Variants in PRRX1 observed in about 807,000 individuals in gnomAD.
PRRX1 encodes paired mesoderm homeobox protein 1.
PRRX1 carries 8 observed loss-of-function variants against 24.0 expected under a neutral mutation model. The ratio of observed to expected loss-of-function variants is 0.33; its 90% CI spans 0.20 to 0.60. PRRX1 has a LOEUF of 0.60. Ranked by LOEUF, PRRX1 falls within the 20% of genes least tolerant of loss-of-function variation. The pLI, the probability that PRRX1 is intolerant of heterozygous loss-of-function variation, is 0.82. For synonymous variants in PRRX1, 160 were observed against 131.7 expected, an observed-to-expected ratio of 1.22 and a Z score of -1.47; for missense variants, 281 against 322.4, an observed-to-expected ratio of 0.87 and a Z score of 0.98.
chr1:170,730,890 C>CA (rs566830489), intron 3 of PRRX1, among the ~76,000 whole-genome samples: 23 of 151,746 alleles, frequency 1.5e-4, no homozygotes, highest in Admixed American at 1.2e-3. Context: ...GTGTGCGCTT[C>CA]AAAAAAAGTC....
chr1:170,710,132 G>C (rs1470492116), intron 1 of PRRX1, among the ~76,000 whole-genome samples: 1 of 152,012 alleles, frequency 6.6e-6, no homozygotes, highest in Non-Finnish European at 1.5e-5. Context: ...CTCAGGCCTG[G>C]TAATTACATT....
At chr1:170,686,982 G>A (rs933496166) in intron 1 of PRRX1, among the ~76,000 whole-genome samples, 33 of 151,996 alleles carry the variant, frequency 2.2e-4, no homozygotes, top group African/African-American at 7.2e-4. Context: ...CCAAATGCAC[G>A]TCATTCAAGT....
At chr1:170,700,197 G>T (rs766203176) in intron 1 of PRRX1, among the ~76,000 whole-genome samples, 10 of 151,996 alleles carry the variant, frequency 6.6e-5, no homozygotes, top group Non-Finnish European at 1.3e-4. Flanking sequence ...TGAATGAGTT[G>T]GTTCAAGCCA....
intron 1 of PRRX1, among the ~76,000 whole-genome samples, chr1:170,716,399 A>G (rs985021139): frequency 5.9e-5 from 9 of 152,170 alleles, no homozygotes; most frequent in African/African-American, 2.2e-4. Context: ...CCCGGCTAAC[A>G]CGGTGAAACC....
At chr1:170,699,292 C>T (rs1654274828) in intron 1 of PRRX1, among the ~76,000 whole-genome samples, 1 of 152,122 alleles carries the variant, frequency 6.6e-6, no homozygotes, top group African/African-American at 2.4e-5. Flanking sequence ...CTCTAGTGAA[C>T]ATTAATAAGG....
At chr1:170,732,630 T>C (rs931704588) in intron 3 of PRRX1, among the ~76,000 whole-genome samples, 1 of 152,214 alleles carries the variant, frequency 6.6e-6, no homozygotes, top group East Asian at 1.9e-4. Context: ...CAAAATATTA[T>C]TGGAATCCCT....
chr1:170,719,651 A>C, intron 1 of PRRX1, 75 bp from the exon 2 acceptor site: 1 of 1,463,412 alleles, frequency 6.8e-7, no homozygotes, highest in South Asian at 1.2e-5. Flanking sequence ...CTCACTATAG[A>C]TATACCATAA....
At chr1:170,710,170 C>T (rs1418132379) in intron 1 of PRRX1, among the ~76,000 whole-genome samples, 1 of 152,146 alleles carries the variant, frequency 6.6e-6, no homozygotes, top group African/African-American at 2.4e-5. Context: ...TAAAATCCAG[C>T]CTAACTTTTT....
chr1:170,724,341 A>C (rs975455785), intron 2 of PRRX1, among the ~76,000 whole-genome samples: 4 of 152,290 alleles, frequency 2.6e-5, no homozygotes, highest in East Asian at 1.9e-4. Flanking sequence ...TGACGTTTTC[A>C]TCATGAAATC....
chr1:170,702,248 C>A (rs532107583), intron 1 of PRRX1, among the ~76,000 whole-genome samples: 34 of 152,166 alleles, frequency 2.2e-4, no homozygotes, highest in Non-Finnish European at 4.3e-4. Context: ...TCCTATCAGG[C>A]CACGGACTGT....
chr1:170,685,899 A>C (rs2101894606), intron 1 of PRRX1, among the ~76,000 whole-genome samples: 1 of 151,620 alleles, frequency 6.6e-6, no homozygotes, highest in African/African-American at 2.4e-5. Context: ...TTTTTTTTAC[A>C]AGTCAGACTA....
At chr1:170,729,692 C>T (rs1655367438) in intron 3 of PRRX1, among the ~76,000 whole-genome samples, 1 of 152,144 alleles carries the variant, frequency 6.6e-6, no homozygotes, top group Admixed American at 6.5e-5. Flanking sequence ...CACTCATTCC[C>T]TTGAGCATGT....
At chr1:170,678,443 A>G (rs1653393294) in intron 1 of PRRX1, among the ~76,000 whole-genome samples, 2 of 152,362 alleles carry the variant, frequency 1.3e-5, no homozygotes, top group African/African-American at 4.8e-5. Context: ...CTTGTGGTCT[A>G]GGAAAGTAGC....
intron 2 of PRRX1, among the ~76,000 whole-genome samples, chr1:170,723,506 G>A (rs1399390129): frequency 6.6e-6 from 1 of 151,152 alleles, no homozygotes; most frequent in Non-Finnish European, 1.5e-5. Context: ...GACCATAGCA[G>A]GTGCTCCATA....
At chr1:170,726,165 T>G in intron 2 of PRRX1, 55 bp from the exon 3 acceptor site, 1 of 1,526,272 alleles carries the variant, frequency 6.6e-7, no homozygotes, top group South Asian at 1.1e-5. Context: ...TAACCCCTTC[T>G]TCTTTGTTTT....
intron 1 of PRRX1, 66 bp from the exon 2 acceptor site, chr1:170,719,659 TA>T: frequency 3.3e-6 from 5 of 1,521,800 alleles, no homozygotes; most frequent in Non-Finnish European, 4.5e-6. Flanking sequence ...AGATATACCA[TA>T]AAAAAGTCTT....
At chr1:170,728,389 T>A (rs1655322420) in intron 3 of PRRX1, 2 of 152,200 alleles carry the variant, frequency 1.3e-5, no homozygotes, top group African/African-American at 4.8e-5. Context: ...CTGGATACAT[T>A]TTTAAAAACA....
In PRRX1 at chr1:170,736,109, G is replaced by T. The variant is rs766421515; in HGVS notation, c.661G>T (p.Ala221Ser). The T allele has an allele frequency of 6.2e-7, 1 of 1,614,120 alleles. No individual in the cohort carries two copies. The highest frequency in any genetic ancestry group is 8.5e-7 in the Non-Finnish European group (1 of 1,180,000). ...TAGCCCTGCACAGGGCATCAACATG[G>T]CCAACAGCATTGCCAACCTGAGACT... ...NNSPAQGINM[A>S]NSIANLRLKA... is the part of the protein sequence containing the mutation. The change falls in exon 4 of 4, where the codon GCC becomes TCC. Residue 221 changes from alanine to serine, a missense_variant. Transcript: ENST00000239461.
intron 1 of PRRX1, among the ~76,000 whole-genome samples, chr1:170,674,671 T>C (rs556722152): frequency 4.9e-4 from 75 of 152,288 alleles, no homozygotes; most frequent in Admixed American, 2.7e-3. Flanking sequence ...TTTTTTTTTT[T>C]TTGTACGGAG....
Sources: allele counts gnomAD v4.1 joint callset (sites outside exome capture counted in the v4.1 genomes callset), GRCh38; gene constraint gnomAD v4.1.1; transcripts MANE v1.5; gene names NCBI Gene and HGNC (gene_info 2026-07-23, HGNC 2026-07-21).